The following GALNT1 variants were observed in gnomAD, a reference collection of about 807,000 sequenced individuals.
GALNT1 encodes the protein polypeptide N-acetylgalactosaminyltransferase 1.
A neutral mutation model predicts 65.7 loss-of-function variants in GALNT1; 17 were observed. That is an observed-to-expected ratio of 0.26 (90% CI 0.18 to 0.39). The LOEUF is 0.39. Among genes scored for constraint, GALNT1 ranks in the 10% least tolerant of loss-of-function variants. The pLI, the probability that GALNT1 is intolerant of heterozygous loss-of-function variation, is 1.00. For missense variants in GALNT1, 460 were observed against 672.8 expected, an observed-to-expected ratio of 0.68 and a Z score of 3.50; for synonymous variants, 210 against 219.7, an observed-to-expected ratio of 0.96 and a Z score of 0.39.
chr18:35,679,795 C>T (rs1210086278), intron 4 of GALNT1, among the ~76,000 whole-genome samples: 2 of 152,090 alleles, frequency 1.3e-5, no homozygotes, highest in African/African-American at 2.4e-5. Context: ...TTGTTTAAGT[C>T]GTAATTGTTA....
intron 1 of GALNT1, among the ~76,000 whole-genome samples, chr18:35,592,898 A>T (rs2046461600): frequency 1.3e-5 from 2 of 152,160 alleles, no homozygotes; most frequent in South Asian, 4.1e-4. Flanking sequence ...TAGACTGTGA[A>T]TCCCTTATGT....
intron 1 of GALNT1, among the ~76,000 whole-genome samples, chr18:35,621,374 G>A (rs2046849709): frequency 6.8e-6 from 1 of 146,102 alleles, no homozygotes; most frequent in Admixed American, 6.8e-5. Flanking sequence ...TTTGCTTTTT[G>A]TAGAGATGCG....
intron 5 of GALNT1, among the ~76,000 whole-genome samples, chr18:35,685,846 C>G (rs1457132020): frequency 1.3e-5 from 2 of 152,188 alleles, no homozygotes; most frequent in Admixed American, 1.3e-4. Context: ...GTGGGCAGAT[C>G]ACTTGAACCC....
chr18:35,671,580 C>T (rs1023773901), intron 3 of GALNT1, among the ~76,000 whole-genome samples: 2 of 152,140 alleles, frequency 1.3e-5, no homozygotes, highest in Non-Finnish European at 2.9e-5. Context: ...CCACTTTTGA[C>T]CTACGAAAAT....
intron 9 of GALNT1, among the ~76,000 whole-genome samples, chr18:35,693,119 G>A (rs555877856): frequency 1.3e-5 from 2 of 152,298 alleles, no homozygotes; most frequent in East Asian, 3.9e-4. Flanking sequence ...GTGAGCGTGG[G>A]TAGTAGTACT....
intron 1 of GALNT1, among the ~76,000 whole-genome samples, chr18:35,636,950 G>A (rs2047099003): frequency 6.6e-6 from 1 of 151,814 alleles, no homozygotes; most frequent in South Asian, 2.1e-4. Context: ...TATTATATCT[G>A]TTGTGGTGAT....
In GALNT1 at chr18:35,594,095, C is replaced by T. The variant is rs111802987; in HGVS notation, c.-104+12233C>T. Among the ~76,000 whole-genome samples, 857 of 108,102 alleles carry T rather than the reference C, an allele frequency of 7.9e-3. 15 individuals are homozygous for T. Among genetic ancestry groups the T allele is most frequent in the African/African-American group, 0.029 (797 of 27,144 alleles). 70.9% of individuals were successfully genotyped at this position (108,102 alleles called of 152,430 possible). A position where few individuals can be genotyped will look rare whatever the true frequency, so the allele number is the denominator to read the frequency against. ...TTAAATCTTTTCTTTGGGCGGGGGG[C>T]GGGGGCAGGAGTAGGGGACAAAACC... On this transcript the variant is annotated intron_variant, in intron 1 of 11. Coordinates refer to ENST00000269195, the MANE Select transcript of GALNT1 (RefSeq NM_020474.4).
chr18:35,647,455 AT>A (rs2047245493), intron 1 of GALNT1, among the ~76,000 whole-genome samples: 1 of 140,734 alleles, frequency 7.1e-6, no homozygotes, highest in African/African-American at 2.8e-5. Flanking sequence ...TAATACATTG[AT>A]TATAGTTCTG....
intron 1 of GALNT1, among the ~76,000 whole-genome samples, chr18:35,589,225 A>G (rs1270326452): frequency 6.6e-6 from 1 of 152,166 alleles, no homozygotes. Flanking sequence ...GAGAGGGTGT[A>G]TGTGGAAGGG....
chr18:35,660,516 A>G (rs182927111), intron 2 of GALNT1, among the ~76,000 whole-genome samples: 72 of 152,338 alleles, frequency 4.7e-4, no homozygotes, highest in Non-Finnish European at 3.2e-4. Flanking sequence ...TGATTCTTAG[A>G]AATGAGCTGC....
At chr18:35,663,085 A>G (rs2047499809) in intron 2 of GALNT1, among the ~76,000 whole-genome samples, 1 of 152,134 alleles carries the variant, frequency 6.6e-6, no homozygotes, top group South Asian at 2.1e-4. Context: ...AAGAGAAGCC[A>G]TTTTAGTTGG....
intron 1 of GALNT1, among the ~76,000 whole-genome samples, chr18:35,609,977 A>T (rs1361009473): frequency 1.3e-5 from 2 of 152,206 alleles, no homozygotes; most frequent in East Asian, 3.8e-4. Flanking sequence ...TGGAACACAG[A>T]TCATTTCAAT....
chr18:35,699,713 G>T (rs1351333346), intron 9 of GALNT1, among the ~76,000 whole-genome samples: 2 of 152,160 alleles, frequency 1.3e-5, no homozygotes, highest in Non-Finnish European at 2.9e-5. Flanking sequence ...TTAAGAGCTA[G>T]TCCTCAATTC....
intron 1 of GALNT1, among the ~76,000 whole-genome samples, chr18:35,582,789 C>A (rs1165166188): frequency 1.3e-5 from 2 of 152,230 alleles, no homozygotes; most frequent in African/African-American, 2.4e-5. Flanking sequence ...AGGTCACAAT[C>A]TGAGCAGCAG....
In GALNT1 at chr18:35,634,692, A is replaced by G. The variant is rs909315681; in HGVS notation, c.-103-19868A>G. 1.2e-4 allele frequency among the ~76,000 whole-genome samples: 18 copies of G among 152,340 alleles called. 1 individual carries two copies. The highest frequency in any genetic ancestry group is 6.8e-3 in the Middle Eastern group (2 of 294). On this transcript the variant is annotated intron_variant, in intron 1 of 11. Coordinates refer to ENST00000269195, the MANE Select transcript of GALNT1 (RefSeq NM_020474.4). Reference sequence around the variant, plus strand: ...AGGCATCTCCTGCCTAACACATACCAAAATTCCAGATTCCCGGAAGGAAAG... The same window carrying G: ...AGGCATCTCCTGCCTAACACATACCGAAATTCCAGATTCCCGGAAGGAAAG...
chr18:35,647,950 G>A (rs1460704808), intron 1 of GALNT1, among the ~76,000 whole-genome samples: 1 of 151,912 alleles, frequency 6.6e-6, no homozygotes, highest in African/African-American at 2.4e-5. Flanking sequence ...GGGAGGCCGT[G>A]GTGGGTGGAT....
intron 1 of GALNT1, among the ~76,000 whole-genome samples, chr18:35,622,900 C>G (rs1399609838): frequency 1.3e-5 from 2 of 151,796 alleles, no homozygotes; most frequent in Non-Finnish European, 2.9e-5. Context: ...TTCTAGTTTT[C>G]CATGAGTTCT....
chr18:35,687,242 C>T, intron 6 of GALNT1, 56 bp downstream of exon 6: 1 of 1,525,498 alleles, frequency 6.6e-7, no homozygotes, highest in Non-Finnish European at 8.9e-7. Flanking sequence ...GGTTGTGGAG[C>T]TTTGGGAATC....
chr18:35,645,089 A>G (rs1188529701), intron 1 of GALNT1, among the ~76,000 whole-genome samples: 9 of 152,116 alleles, frequency 5.9e-5, no homozygotes, highest in Admixed American at 5.9e-4. Context: ...TTATAGATTA[A>G]TTTTGGGAAT....
Sources: gnomAD v4.1 joint callset for allele counts (sites outside exome capture counted in the v4.1 genomes callset) on GRCh38, gnomAD v4.1.1 for gene constraint, MANE v1.5 for transcripts, NCBI Gene and HGNC (gene_info 2026-07-23, HGNC 2026-07-21) for gene names.